Variants in PIAS1 observed in about 807,000 individuals in gnomAD.
PIAS1 encodes protein inhibitor of activated STAT 1.
Under a neutral mutation model 71.3 loss-of-function variants are expected in PIAS1, and 6 were observed. That is an observed-to-expected ratio of 0.08 (90% CI 0.05 to 0.17). PIAS1 has a LOEUF of 0.17. Ranked by LOEUF, PIAS1 falls within the 10% of genes least tolerant of loss-of-function variation. The pLI, the probability that PIAS1 is intolerant of heterozygous loss-of-function variation, is 1.00. For synonymous variants in PIAS1, 303 were observed against 292.9 expected (o/e 1.03, Z -0.35); for missense variants, 555 against 793.6 (o/e 0.70, Z 3.61).
intron 2 of PIAS1, among the ~76,000 whole-genome samples, chr15:68,135,132 G>A (rs1486339605): frequency 5.9e-4 from 29 of 49,276 alleles, no homozygotes; most frequent in Admixed American, 3.8e-3. Flanking sequence ...GGGGCGGCTG[G>A]CCTGGCGGGG....
chr15:68,148,042 T>C (rs2092820365), intron 6 of PIAS1, among the ~76,000 whole-genome samples: 1 of 152,182 alleles, frequency 6.6e-6, no homozygotes, highest in Admixed American at 6.5e-5. Context: ...TTCATTTTCA[T>C]GAGGCCTGTG....
intron 12 of PIAS1, among the ~76,000 whole-genome samples, chr15:68,182,490 C>CGTGTGTGTGTGTGTGTGTGTGTGTGTGT (rs67774530): frequency 1.6e-5 from 2 of 123,280 alleles, no homozygotes; most frequent in Non-Finnish European, 3.4e-5. Flanking sequence ...GCTCAGGCTG[C>CGTGTGTGTGTGTGTGTGTGTGTGTGTGT]GTGTGTGTGT....
chr15:68,056,368 C>A (rs1460165461), intron 1 of PIAS1, among the ~76,000 whole-genome samples: 1 of 152,178 alleles, frequency 6.6e-6, no homozygotes, highest in Non-Finnish European at 1.5e-5. Context: ...TAGATCAGAT[C>A]CCTGGTGTGA....
rs916699100 is a variant in PIAS1, at chr15:68,186,617, A to T, written c.1663-925A>T. On this transcript the variant is annotated intron_variant, in intron 13 of 13. Coordinates refer to ENST00000249636, the MANE Select transcript of PIAS1 (RefSeq NM_016166.3). This position sits in a 1 kb window ranked among gnomAD's most constrained non-coding sequence, Gnocchi z 4.4. The stretch of plus-strand genomic sequence containing the variant: ...AATGTCCTAAGCCTCACATTCACTC[A>T]CCATTCACTCACTGGCTCACCCAGA... Among the ~76,000 whole-genome samples the T allele has an allele frequency of 2.6e-5, 4 of 152,226 alleles. No individual in the cohort carries two copies. The highest frequency in any genetic ancestry group is 9.6e-5 in the African/African-American group (4 of 41,464).
intron 2 of PIAS1, among the ~76,000 whole-genome samples, chr15:68,125,631 G>A (rs2092644837): frequency 6.6e-6 from 1 of 152,086 alleles, no homozygotes; most frequent in African/African-American, 2.4e-5. Flanking sequence ...AATTTTGAAG[G>A]CATTAATTTT....
intron 2 of PIAS1, chr15:68,087,703 T>A: frequency 4.3e-6 from 1 of 230,746 alleles, no homozygotes; most frequent in South Asian, 4.9e-5. Flanking sequence ...TGAATCCCTG[T>A]TACAGATCAT....
At chr15:68,058,430 C>A (rs2091920311) in intron 1 of PIAS1, among the ~76,000 whole-genome samples, 1 of 152,074 alleles carries the variant, frequency 6.6e-6, no homozygotes, top group Admixed American at 6.5e-5. Flanking sequence ...AGAAAGTGAG[C>A]CCAGAAAGGG....
Position 68,171,117 on chromosome 15 carries a change from A to G in PIAS1, c.1009-2615A>G, listed in dbSNP as rs1019799766. On this transcript the variant is annotated intron_variant, in intron 8 of 13. Coordinates refer to ENST00000249636, the MANE Select transcript of PIAS1 (RefSeq NM_016166.3). The surrounding 1 kb of genome is among the most constrained non-coding windows in gnomAD (Gnocchi z 4.4). The stretch of plus-strand genomic sequence containing the variant: ...TTAACATTTTTTACTTTTATTTTCT[A>G]CTTTTTAAACTTTTTTGTTAAAAAC... Among the ~76,000 whole-genome samples, 3 of 152,014 alleles carry G rather than the reference A, an allele frequency of 2.0e-5. No homozygotes were observed. Among genetic ancestry groups the G allele is most frequent in the Non-Finnish European group, 2.9e-5 (2 of 67,962 alleles).
intron 2 of PIAS1, among the ~76,000 whole-genome samples, chr15:68,114,760 T>G (rs1369226617): frequency 6.6e-6 from 1 of 152,048 alleles, no homozygotes; most frequent in East Asian, 1.9e-4. Context: ...GTTTTGAGTT[T>G]ATGTAAATTG....
Position 68,181,207 on chromosome 15 carries a change from T to C in PIAS1, c.1482-5T>C, listed in dbSNP as rs1391671661. On this transcript the variant is annotated splice_region_variant and splice_polypyrimidine_tract_variant and intron_variant, in intron 11 of 13. Transcript: ENST00000249636. ...GAAAACTATGCCAATCTTTCCTTCTTCCAGCATTTTAAGTCTTCCACATCA... is the reference window on the plus strand; with the variant it reads ...GAAAACTATGCCAATCTTTCCTTCTCCCAGCATTTTAAGTCTTCCACATCA... The C allele has an allele frequency of 2.5e-6, 4 of 1,612,302 alleles. No homozygotes were observed. Among genetic ancestry groups the C allele is most frequent in the Non-Finnish European group, 3.4e-6 (4 of 1,179,064 alleles).
intron 8 of PIAS1, among the ~76,000 whole-genome samples, chr15:68,166,477 C>T (rs2092958540): frequency 6.6e-6 from 1 of 151,824 alleles, no homozygotes; most frequent in Non-Finnish European, 1.5e-5. Context: ...CCCTCTTTCT[C>T]CGAAACCCTG....
chr15:68,118,938 C>T (rs1003920950), intron 2 of PIAS1, among the ~76,000 whole-genome samples: 1 of 152,032 alleles, frequency 6.6e-6, no homozygotes, highest in Non-Finnish European at 1.5e-5. Flanking sequence ...ACTATAGACA[C>T]ATGGCATTAA....
intron 1 of PIAS1, among the ~76,000 whole-genome samples, chr15:68,075,656 C>T: frequency 6.6e-6 from 1 of 152,062 alleles, no homozygotes; most frequent in East Asian, 1.9e-4. Flanking sequence ...TATTAATAGG[C>T]TTCTGATGGA....
intron 2 of PIAS1, among the ~76,000 whole-genome samples, chr15:68,126,806 A>G (rs1316436019): frequency 1.3e-5 from 2 of 148,598 alleles, no homozygotes; most frequent in East Asian, 2.0e-4. Context: ...TAATTGTTGC[A>G]TAATCTCTGC....
At chr15:68,122,091 T>C (rs959152237) in intron 2 of PIAS1, among the ~76,000 whole-genome samples, 3 of 152,150 alleles carry the variant, frequency 2.0e-5, no homozygotes, top group Non-Finnish European at 2.9e-5. Flanking sequence ...ATCGAGCCAC[T>C]GCACTCCTGC....
At chr15:68,181,461 AGG>A (rs2093052906) in intron 12 of PIAS1, 107 bp downstream of exon 12, 1 of 1,075,354 alleles carries the variant, frequency 9.3e-7, no homozygotes, top group Admixed American at 2.1e-5. Flanking sequence ...CTGAGCCAAC[AGG>A]GCCTTGGACC....
At chr15:68,095,832 A>G (rs996985538) in intron 2 of PIAS1, among the ~76,000 whole-genome samples, 23 of 152,264 alleles carry the variant, frequency 1.5e-4, no homozygotes, top group African/African-American at 4.6e-4. Flanking sequence ...CGCCTGGCCC[A>G]TTCTTTTTCT....
intron 2 of PIAS1, among the ~76,000 whole-genome samples, chr15:68,109,052 T>G (rs139914588): frequency 6.6e-5 from 10 of 152,356 alleles, no homozygotes; most frequent in African/African-American, 2.4e-4. Context: ...GTTACCTGTC[T>G]GATATCATCA....
intron 1 of PIAS1, among the ~76,000 whole-genome samples, chr15:68,085,096 G>A (rs2092267414): frequency 6.6e-6 from 1 of 152,122 alleles, no homozygotes; most frequent in African/African-American, 2.4e-5. Context: ...AATTGGCTGG[G>A]GTTATCATTG....
Sources: gnomAD v4.1 joint callset for allele counts (sites outside exome capture counted in the v4.1 genomes callset) on GRCh38, gnomAD v4.1.1 for gene constraint, Gnocchi (gnomAD v3.1) non-coding constraint, MANE v1.5 for transcripts, NCBI Gene and HGNC (gene_info 2026-07-23, HGNC 2026-07-21) for gene names.